The following HDAC4 variants were observed in gnomAD, a reference collection of about 807,000 sequenced individuals.
The protein encoded by HDAC4 is histone deacetylase A.
In HDAC4, 16 loss-of-function variants were observed where a neutral mutation model predicts 135.1. The observed-to-expected ratio is 0.12, with a 90% CI of 0.08 to 0.18. HDAC4 has a LOEUF of 0.18. Among genes scored for constraint, HDAC4 ranks in the 10% least tolerant of loss-of-function variants. HDAC4 has a pLI of 1.00. For synonymous variants in HDAC4, 685 were observed against 653.4 expected (o/e 1.05, Z -0.74); for missense variants, 1,143 against 1,511.8 (o/e 0.76, Z 4.05).
chr2:239,178,948 C>A (rs980117521), intron 4 of HDAC4, among the ~76,000 whole-genome samples: 2 of 151,390 alleles, frequency 1.3e-5, no homozygotes, highest in Admixed American at 6.6e-5. Flanking sequence ...CCACCGGATG[C>A]CCGAGGCATA....
At chr2:239,201,903 TGCTTTCTTACTG>T (rs2153075705) in intron 3 of HDAC4, among the ~76,000 whole-genome samples, 1 of 152,348 alleles carries the variant, frequency 6.6e-6, no homozygotes, top group African/African-American at 2.4e-5. Context: ...GTTTTCAAAC[TGCTTTCTTACTG>T]GCAGAAAAAA....
intron 7 of HDAC4, 147 bp downstream of exon 7, chr2:239,156,505 C>T (rs1426362058): frequency 6.9e-5 from 66 of 963,126 alleles, no homozygotes; most frequent in Non-Finnish European, 9.7e-5. Flanking sequence ...CTTTTAAAAA[C>T]GATGCTCTAT....
At chr2:239,129,405 G>T (rs1218232275) in intron 11 of HDAC4, among the ~76,000 whole-genome samples, 1 of 152,206 alleles carries the variant, frequency 6.6e-6, no homozygotes, top group Non-Finnish European at 1.5e-5. Context: ...ACAATTCTGT[G>T]GTCGGTGACC....
rs143935242 is a variant in HDAC4, at chr2:239,292,801, C to T, written c.23-56137G>A. On this transcript the variant is annotated intron_variant, in intron 2 of 26. Transcript: ENST00000543185. ...AGGCTCTCTTTCACCAGGTCTCTCA[C>T]GTGGACCTAGACCGTCCTTTTAATA... Among the ~76,000 whole-genome samples, 9 of 152,254 alleles carry T rather than the reference C, an allele frequency of 5.9e-5. No individual in the cohort carries two copies. In the East Asian group the frequency reaches 1.2e-3, roughly 20 times the overall value.
intron 2 of HDAC4, among the ~76,000 whole-genome samples, chr2:239,250,641 C>T (rs994519180): frequency 6.6e-6 from 1 of 152,224 alleles, no homozygotes; most frequent in Non-Finnish European, 1.5e-5. Flanking sequence ...AGTGGTGACA[C>T]AGGCATCGGG....
At chr2:239,242,600 G>C (rs2048252882) in intron 2 of HDAC4, among the ~76,000 whole-genome samples, 1 of 152,160 alleles carries the variant, frequency 6.6e-6, no homozygotes, top group Non-Finnish European at 1.5e-5. Context: ...AATGACAGTT[G>C]TTTCCACCTT....
intron 1 of HDAC4, among the ~76,000 whole-genome samples, chr2:239,374,224 A>AAT (rs1168674570): frequency 6.6e-6 from 1 of 152,098 alleles, no homozygotes; most frequent in Non-Finnish European, 1.5e-5. Context: ...ACATTGAGTA[A>AAT]ATATCAGAGA....
chr2:239,147,901 G>A (rs1300549060), intron 7 of HDAC4, among the ~76,000 whole-genome samples: 1 of 152,218 alleles, frequency 6.6e-6, no homozygotes, highest in African/African-American at 2.4e-5. Flanking sequence ...TTCTGATGGA[G>A]ACACAGGCTG....
At chr2:239,111,970 C>T (rs1398288190) in intron 13 of HDAC4, among the ~76,000 whole-genome samples, 42 of 152,314 alleles carry the variant, frequency 2.8e-4, no homozygotes, top group Admixed American at 2.7e-3. Flanking sequence ...AGGCTGTCCA[C>T]GTGGGATCCT....
chr2:239,108,675 T>C (rs989464967), intron 14 of HDAC4, among the ~76,000 whole-genome samples: 5 of 152,282 alleles, frequency 3.3e-5, no homozygotes, highest in Non-Finnish European at 5.9e-5. Flanking sequence ...CCAAGGTACT[T>C]GAGATTCCAA....
At chr2:239,202,122 G>C (rs2153076304) in intron 3 of HDAC4, among the ~76,000 whole-genome samples, 1 of 152,246 alleles carries the variant, frequency 6.6e-6, no homozygotes, top group South Asian at 2.1e-4. Flanking sequence ...GCTGCTGGAG[G>C]GCTGGCTGTC....
chr2:239,267,441 C>T (rs1271689153), intron 2 of HDAC4, among the ~76,000 whole-genome samples: 2 of 152,190 alleles, frequency 1.3e-5, no homozygotes. Context: ...CCCAGGGTCC[C>T]CAGATACAAC....
intron 1 of HDAC4, among the ~76,000 whole-genome samples, chr2:239,360,741 G>T (rs1693811845): frequency 6.6e-6 from 1 of 152,184 alleles, no homozygotes; most frequent in Non-Finnish European, 1.5e-5. Context: ...AGGGAGCGGG[G>T]ACACCCGAGC....
chr2:239,144,631 C>A lies in HDAC4; in HGVS notation c.817G>T (p.Asp273Tyr). The A allele has an allele frequency of 6.2e-7, 1 of 1,614,228 alleles. No individual in the cohort carries two copies. The highest frequency in any genetic ancestry group is 1.1e-5 in the South Asian group (1 of 91,078). The change falls in exon 8 of 27, where the codon GAC (aspartate) becomes TAC (tyrosine). Residue 273 changes from aspartate to tyrosine, a missense_variant. Physicochemically the swap from Asp to Tyr is radical, Grantham distance 160 (BLOSUM62 -3). Transcript: ENST00000543185. ...RRSSPLLRRK[D>Y]GPVVTALKKR... Reference sequence around the variant, plus strand: ...TTTAGAGCAGTGACCACTGGCCCGTCTTTCCTGCGTAACAGGGGGCTGCTC... The same window carrying A: ...TTTAGAGCAGTGACCACTGGCCCGTATTTCCTGCGTAACAGGGGGCTGCTC...
chr2:239,215,969 T>C (rs1258486742), intron 3 of HDAC4, among the ~76,000 whole-genome samples: 2 of 152,330 alleles, frequency 1.3e-5, no homozygotes, highest in East Asian at 1.9e-4. Flanking sequence ...GATATATTCA[T>C]AGAATGCACC....
rs1282831422 is a variant in HDAC4 at position 239,050,989 on chromosome 2, C to T, written c.*2108G>A. The stretch of plus-strand genomic sequence containing the variant: ...GAAAAACCCAAGTGGGTAAAGAGCC[C>T]CACGTGTGCCCCATGCATTGCTGAC... On this transcript the variant is annotated 3_prime_UTR_variant, in exon 27 of 27. Transcript: ENST00000543185. The T allele has an allele frequency of 1.3e-5, 2 of 152,596 alleles. No individual in the cohort carries two copies. Among genetic ancestry groups the T allele is most frequent in the Non-Finnish European group, 2.9e-5 (2 of 68,030 alleles). The allele number at this position is 152,596 out of a possible 1,614,324, so 9.5% of individuals were successfully genotyped here.
At chr2:239,191,036 C>T in intron 3 of HDAC4, 1 of 460,730 alleles carries the variant, frequency 2.2e-6, no homozygotes, top group South Asian at 1.5e-5. Context: ...ACTTCTCAGA[C>T]ACGCGACTCT....
intron 3 of HDAC4, among the ~76,000 whole-genome samples, chr2:239,196,928 C>T (rs940327080): frequency 1.3e-5 from 2 of 152,190 alleles, no homozygotes; most frequent in Admixed American, 6.5e-5. Context: ...GAGGCCGGCC[C>T]AGACGCTGCC....
At chr2:239,172,157 C>T (rs545054441) in intron 5 of HDAC4, among the ~76,000 whole-genome samples, 2 of 151,126 alleles carry the variant, frequency 1.3e-5, no homozygotes, top group South Asian at 2.1e-4. Context: ...TTAAAGTATC[C>T]CAGACCCTTA....
Sources: allele counts gnomAD v4.1 joint callset (sites outside exome capture counted in the v4.1 genomes callset), GRCh38; gene constraint gnomAD v4.1.1; transcripts MANE v1.5; gene names NCBI Gene and HGNC (gene_info 2026-07-23, HGNC 2026-07-21).